The following NTNG1 variants were observed in gnomAD, a reference collection of about 807,000 sequenced individuals.
NTNG1 encodes netrin-G1.
NTNG1 carries 16 observed loss-of-function variants against 54.0 expected under a neutral mutation model. That is an observed-to-expected ratio of 0.30 (90% confidence interval 0.20 to 0.45). The LOEUF is 0.45. Ranked by LOEUF, NTNG1 falls within the 20% of genes least tolerant of loss-of-function variation. NTNG1 has a pLI of 1.00. For synonymous variants in NTNG1, 255 were observed against 263.1 expected, an observed-to-expected ratio of 0.97 and a Z score of 0.30; for missense variants, 530 against 678.7, an observed-to-expected ratio of 0.78 and a Z score of 2.43.
At chr1:107,430,646 C>A in intron 5 of NTNG1, 104 bp from the exon 6 acceptor site, 1 of 1,137,482 alleles carries the variant, frequency 8.8e-7, no homozygotes, top group Non-Finnish European at 1.3e-6. Context: ...TATGTAATGC[C>A]ATTCCACCGT....
chr1:107,336,185 C>CTT (rs1012269428), intron 3 of NTNG1, among the ~76,000 whole-genome samples: 2 of 140,992 alleles, frequency 1.4e-5, no homozygotes, highest in African/African-American at 2.6e-5. Context: ...TGTTGTTGTT[C>CTT]TTTTTTTTTT....
chr1:107,160,156 T>C (rs1253233349), intron 2 of NTNG1, among the ~76,000 whole-genome samples: 1 of 152,174 alleles, frequency 6.6e-6, no homozygotes, highest in African/African-American at 2.4e-5. Flanking sequence ...GGATGTCTAG[T>C]AGGCAGTTTA....
At position 107,402,066 on chromosome 1, in the gene NTNG1, G is replaced by T. The variant is rs539410857; in HGVS notation, c.1061-5616G>T. 3.3e-5 allele frequency among the ~76,000 whole-genome samples: 5 copies of T among 152,274 alleles called. No individual in the cohort carries two copies. The East Asian group carries it at 5.8e-4, about 18-fold the overall frequency. On this transcript the variant is annotated intron_variant, in intron 4 of 7. Transcript: ENST00000370068. ...TTCTCCCCTTGGAGACAGCAGCTAT[G>T]TAGGGAGATATATTGTGGCCAACTG...
chr1:107,146,559 C>T (rs898987652), intron 1 of NTNG1, among the ~76,000 whole-genome samples: 2 of 151,922 alleles, frequency 1.3e-5, no homozygotes, highest in African/African-American at 4.8e-5. Context: ...GGGCTTTACC[C>T]AGTATAGTTT....
intron 3 of NTNG1, among the ~76,000 whole-genome samples, chr1:107,336,524 G>GA (rs536189429): frequency 1.8e-3 from 271 of 151,794 alleles, no homozygotes; most frequent in South Asian, 3.3e-3. Flanking sequence ...GAAATGTTTA[G>GA]AAAAAAACAA....
intron 7 of NTNG1, among the ~76,000 whole-genome samples, chr1:107,473,032 T>C (rs901694141): frequency 1.5e-4 from 23 of 152,328 alleles, no homozygotes; most frequent in African/African-American, 5.3e-4. Context: ...GTGGAGGTTA[T>C]TCACTCTTTG....
intron 2 of NTNG1, among the ~76,000 whole-genome samples, chr1:107,279,167 G>A (rs1664671229): frequency 2.0e-5 from 3 of 152,060 alleles, no homozygotes; most frequent in Non-Finnish European, 2.9e-5. Context: ...AAATTAAGTA[G>A]ATTATTTAAA....
At chr1:107,340,142 A>G (rs1478990262) in intron 3 of NTNG1, among the ~76,000 whole-genome samples, 1 of 152,088 alleles carries the variant, frequency 6.6e-6, no homozygotes, top group African/African-American at 2.4e-5. Context: ...AATTCTCCTT[A>G]TTAATCATTT....
At chr1:107,281,786 A>G (rs1374868588) in intron 2 of NTNG1, among the ~76,000 whole-genome samples, 1 of 152,184 alleles carries the variant, frequency 6.6e-6, no homozygotes, top group Non-Finnish European at 1.5e-5. Context: ...AACTTTTACC[A>G]GAATGTAAAT....
At chr1:107,418,172 A>G (rs1674341537) in intron 5 of NTNG1, among the ~76,000 whole-genome samples, 1 of 152,070 alleles carries the variant, frequency 6.6e-6, no homozygotes, top group Non-Finnish European at 1.5e-5. Flanking sequence ...GACGAATGCA[A>G]CCAGTTCATA....
intron 2 of NTNG1, among the ~76,000 whole-genome samples, chr1:107,303,864 G>T (rs1666484207): frequency 6.6e-6 from 1 of 151,888 alleles, no homozygotes; most frequent in Non-Finnish European, 1.5e-5. Flanking sequence ...TTTTTTGTAT[G>T]ATAGTACAAA....
chr1:107,444,074 G>C (rs1417036404), intron 7 of NTNG1, among the ~76,000 whole-genome samples: 1 of 152,058 alleles, frequency 6.6e-6, no homozygotes. Flanking sequence ...ACTCCTGGGG[G>C]CAAAAAGGAT....
At chr1:107,309,240 G>A (rs1331492297) in intron 2 of NTNG1, among the ~76,000 whole-genome samples, 1 of 152,112 alleles carries the variant, frequency 6.6e-6, no homozygotes. Context: ...ACCAACTCTA[G>A]GCCAGTTCTG....
chr1:107,483,645 A>C lies in NTNG1; in HGVS notation c.*2805A>C, dbSNP rs151266631. Among the ~76,000 whole-genome samples, 7 of 152,152 alleles carry C rather than the reference A, an allele frequency of 4.6e-5. No homozygotes were observed. The highest frequency in any genetic ancestry group is 8.8e-5 in the Non-Finnish European group (6 of 67,996). ...AACAGGACTGGGGTGAAAAGCGGGT[A>C]CTCAGTTGTTCATATATTTGAGGTC... On this transcript the variant is annotated 3_prime_UTR_variant, in exon 8 of 8. Transcript: ENST00000370068.
At chr1:107,191,039 A>G (rs2101194417) in intron 2 of NTNG1, among the ~76,000 whole-genome samples, 1 of 152,334 alleles carries the variant, frequency 6.6e-6, no homozygotes, top group East Asian at 1.9e-4. Context: ...TTACAGTCCC[A>G]CCAACAGTGT....
At position 107,483,280 on chromosome 1, in the gene NTNG1, A is replaced by G. The variant is rs1323459962; in HGVS notation, c.*2440A>G. On this transcript the variant is annotated 3_prime_UTR_variant, in exon 8 of 8. Transcript: ENST00000370068. ...CACACTTCAATAGTTGGGATTCCAA[A>G]AGCTAATTCTAAAATTTAATGAAGG... is the stretch of plus-strand genomic sequence containing the variant. 3.9e-5 allele frequency: 6 copies of G among 152,218 alleles called. No homozygotes were observed. The highest frequency in any genetic ancestry group is 8.8e-5 in the Non-Finnish European group (6 of 68,028). 9.4% of individuals were successfully genotyped at this position (152,218 alleles called of 1,614,324 possible).
rs553004729 is a variant in NTNG1 at position 107,193,773 on chromosome 1, G to A, written c.246+44934G>A. 2.0e-5 allele frequency among the ~76,000 whole-genome samples: 3 copies of A among 151,936 alleles called. No individual in the cohort carries two copies. The Middle Eastern group carries it at 0.01, about 517-fold the overall frequency. ...TTTGCCTTAAATTTCACCTTACTCAGGTCCATTCTCTTTACTGCCACCAGA... is the reference window on the plus strand; with the variant it reads ...TTTGCCTTAAATTTCACCTTACTCAAGTCCATTCTCTTTACTGCCACCAGA... On this transcript the variant is annotated intron_variant, in intron 2 of 7. Transcript: ENST00000370068.
At chr1:107,284,623 T>C (rs1186698936) in intron 2 of NTNG1, among the ~76,000 whole-genome samples, 1 of 151,994 alleles carries the variant, frequency 6.6e-6, no homozygotes, top group African/African-American at 2.4e-5. Context: ...AGCAAAAAAG[T>C]AGAACAAAAA....
intron 5 of NTNG1, chr1:107,408,919 T>C (rs908814236): frequency 6.6e-6 from 1 of 152,160 alleles, no homozygotes; most frequent in Non-Finnish European, 1.5e-5. Context: ...CACAGTCAGG[T>C]GTCCCAATTT....
Sources: allele counts gnomAD v4.1 joint callset (sites outside exome capture counted in the v4.1 genomes callset), GRCh38; gene constraint gnomAD v4.1.1; transcripts MANE v1.5; gene names NCBI Gene and HGNC (gene_info 2026-07-23, HGNC 2026-07-21).